Variants in AQP4 observed in about 807,000 individuals in gnomAD.
The protein encoded by AQP4 is aquaporin-4.
Under a neutral mutation model 27.8 loss-of-function variants are expected in AQP4, and 18 were observed. That is an observed-to-expected ratio of 0.65 (90% CI 0.45 to 0.96). The LOEUF (loss-of-function observed/expected upper bound fraction) is 0.96, where lower values mean the gene tolerates loss of function less well. Ranked by LOEUF, AQP4 falls within the 40% of genes least tolerant of loss-of-function variation. The pLI is 0.00. For synonymous variants in AQP4, 141 were observed against 142.9 expected (o/e 0.99, Z 0.10); for missense variants, 412 against 408.2 (o/e 1.01, Z -0.08).
chr18:26,865,242 C>T (rs139928491), intron 1 of AQP4: 1 of 319,352 alleles, frequency 3.1e-6, no homozygotes, highest in African/African-American at 2.1e-5. Context: ...ATGATCAACA[C>T]AATTAGATTT....
upstream of AQP4, chr18:26,865,721 C>T: frequency 6.8e-6 from 11 of 1,614,048 alleles, no homozygotes; most frequent in African/African-American, 1.3e-5. Context: ...GCTCTCATTG[C>T]CTGCCCCGCA....
intron 4 of AQP4, among the ~76,000 whole-genome samples, chr18:26,859,246 A>G (rs2144958694): frequency 6.6e-6 from 1 of 152,370 alleles, no homozygotes; most frequent in Admixed American, 6.5e-5. Context: ...AGGGCTGGGC[A>G]CTGTGGCTCA....
At chr18:26,859,037 A>G (rs1170828513) in intron 4 of AQP4, among the ~76,000 whole-genome samples, 1 of 152,224 alleles carries the variant, frequency 6.6e-6, no homozygotes, top group Non-Finnish European at 1.5e-5. Flanking sequence ...ACATGGGGCA[A>G]CTTTTAGTTT....
rs1006854797 is a variant in AQP4 at position 26,852,935 on chromosome 18, C to G, written c.*3276G>C. On this transcript the variant is annotated 3_prime_UTR_variant, in exon 5 of 5. Coordinates refer to ENST00000383168, the MANE Select transcript of AQP4 (RefSeq NM_001650.7). The stretch of plus-strand genomic sequence containing the variant: ...GAGGTTGGTGTCAACATGCTGCAAT[C>G]AGAGGCCTTCTAGGATTCATCTTAC... 2 of 398,336 alleles carry G rather than the reference C, an allele frequency of 5.0e-6. No homozygotes were observed. Among genetic ancestry groups the G allele is most frequent in the African/African-American group, 4.1e-5 (2 of 48,632 alleles). 24.7% of individuals were successfully genotyped at this position (398,336 alleles called of 1,614,324 possible).
At position 26,853,744 on chromosome 18, in the gene AQP4, TAGAA is replaced by T. The variant is rs2054793406; in HGVS notation, c.*2463_*2466del. The T allele has an allele frequency of 6.6e-6, 1 of 152,652 alleles. No homozygotes were observed. Among genetic ancestry groups the T allele is most frequent in the Non-Finnish European group, 1.5e-5 (1 of 68,030 alleles). 9.5% of individuals were successfully genotyped at this position (152,652 alleles called of 1,614,324 possible). ...TAGACCCCTGCTGCATAGATGTCAT[TAGAA>T]AGGTACAATTTCATTACTTTTTACT... On this transcript the variant is annotated 3_prime_UTR_variant, in exon 5 of 5. Coordinates refer to ENST00000383168, the MANE Select transcript of AQP4 (RefSeq NM_001650.7).
rs2054781450 is a variant in AQP4, at chr18:26,853,190, A to G, written c.*3021T>C. 6.6e-6 allele frequency: 2 copies of G among 303,024 alleles called. No homozygotes were observed. Among genetic ancestry groups the G allele is most frequent in the Non-Finnish European group, 1.2e-5 (2 of 166,166 alleles). 18.8% of individuals were successfully genotyped at this position (303,024 alleles called of 1,614,324 possible). ...GCTCTAGCTAGCACCTATGAGCTGC[A>G]TTAGGAAAAGGCTCAGATAATAAAA... On this transcript the variant is annotated 3_prime_UTR_variant, in exon 5 of 5. Coordinates refer to ENST00000383168, the MANE Select transcript of AQP4 (RefSeq NM_001650.7).
intron 1 of AQP4, 24 bp downstream of exon 1, chr18:26,865,634 C>T: frequency 1.2e-6 from 2 of 1,614,170 alleles, no homozygotes; most frequent in Non-Finnish European, 1.7e-6. Context: ...AAGCGTTGTT[C>T]CCTTAAGGCA....
intron 1 of AQP4, chr18:26,862,869 C>A (rs759808825): frequency 1.9e-6 from 1 of 521,598 alleles, no homozygotes; most frequent in Non-Finnish European, 3.4e-6. Flanking sequence ...AAATCAAATT[C>A]CTTAAAATAT....
intron 4 of AQP4, among the ~76,000 whole-genome samples, chr18:26,858,544 C>T (rs1227154758): frequency 2.6e-5 from 4 of 152,180 alleles, no homozygotes; most frequent in Non-Finnish European, 5.9e-5. Context: ...AAGTTCCTCT[C>T]TTGAACATGA....
In AQP4 at chr18:26,855,967, T is replaced by C. The variant is rs2054833424; in HGVS notation, c.*244A>G. ...GTTAATGAAAGGTAACTAGATAAAA[T>C]AGGTATATATTTGCTTAAGAACATT... is the stretch of plus-strand genomic sequence containing the variant. On this transcript the variant is annotated 3_prime_UTR_variant, in exon 5 of 5. Transcript: ENST00000383168. 2 of 503,192 alleles carry C rather than the reference T, an allele frequency of 4.0e-6. No homozygotes were observed. Among genetic ancestry groups the C allele is most frequent in the Non-Finnish European group, 7.1e-6 (2 of 283,560 alleles). 31.2% of individuals were successfully genotyped at this position (503,192 alleles called of 1,614,324 possible).
rs1598508663 is a variant in AQP4, at chr18:26,855,521, T to G, written c.*690A>C. On this transcript the variant is annotated 3_prime_UTR_variant, in exon 5 of 5. Coordinates refer to ENST00000383168, the MANE Select transcript of AQP4 (RefSeq NM_001650.7). ...TGTCTTGAATCTCAATAGGTGCCCTTATGATTTGGGAAGGATTTCTGAATA... is the reference window on the plus strand; with the variant it reads ...TGTCTTGAATCTCAATAGGTGCCCTGATGATTTGGGAAGGATTTCTGAATA... 1 of 152,514 alleles carries G rather than the reference T, an allele frequency of 6.6e-6. No individual in the cohort carries two copies. The highest frequency in any genetic ancestry group is 6.5e-5 in the Admixed American group (1 of 15,314). The allele number at this position is 152,514 out of a possible 1,614,324, so 9.4% of individuals were successfully genotyped here. A position where few individuals can be genotyped will look rare whatever the true frequency, so the allele number is the denominator to read the frequency against.
chr18:26,858,898 C>G (rs1005955284), intron 4 of AQP4, among the ~76,000 whole-genome samples: 3 of 152,132 alleles, frequency 2.0e-5, no homozygotes, highest in African/African-American at 7.2e-5. Flanking sequence ...TATCATTACA[C>G]TATACAAAAA....
intron 1 of AQP4, among the ~76,000 whole-genome samples, chr18:26,864,774 A>G (rs1189580884): frequency 6.6e-6 from 1 of 152,126 alleles, no homozygotes; most frequent in Non-Finnish European, 1.5e-5. Flanking sequence ...TAAGGAAGCT[A>G]GGTGGGCAGG....
chr18:26,865,018 C>T (rs2055031989), intron 1 of AQP4, among the ~76,000 whole-genome samples: 1 of 151,374 alleles, frequency 6.6e-6, no homozygotes, highest in Non-Finnish European at 1.5e-5. Flanking sequence ...CATAAACATG[C>T]TCTTTAAGAA....
intron 1 of AQP4, among the ~76,000 whole-genome samples, chr18:26,864,803 C>T (rs914334099): frequency 6.6e-6 from 1 of 152,018 alleles, no homozygotes; most frequent in Non-Finnish European, 1.5e-5. Flanking sequence ...TTTTCAGCCC[C>T]GCAGGAGACA....
chr18:26,856,839 A>G (rs74317649), intron 4 of AQP4, among the ~76,000 whole-genome samples: 2 of 152,148 alleles, frequency 1.3e-5, no homozygotes, highest in Non-Finnish European at 2.9e-5. Context: ...TAAAAAAAAA[A>G]TTTCTGGAGA....
chr18:26,852,615 C>G lies in AQP4; in HGVS notation c.*3596G>C, dbSNP rs2054770748. 2.6e-6 allele frequency: 1 copy of G among 389,814 alleles called. No individual in the cohort carries two copies. The highest frequency in any genetic ancestry group is 1.4e-4 in the South Asian group (1 of 6,966). The allele number at this position is 389,814 out of a possible 1,614,324, so 24.1% of individuals were successfully genotyped here. A position where few individuals can be genotyped will look rare whatever the true frequency, so the allele number is the denominator to read the frequency against. ...ATTATGAGTTTCAAAAGCTACTGCTCTTATGGGGCAATCTGTAGAGTACTA... is the reference window on the plus strand; with the variant it reads ...ATTATGAGTTTCAAAAGCTACTGCTGTTATGGGGCAATCTGTAGAGTACTA... On this transcript the variant is annotated 3_prime_UTR_variant, in exon 5 of 5. Transcript: ENST00000383168.
In AQP4 at chr18:26,853,493, G is replaced by A. The variant is rs369682568; in HGVS notation, c.*2718C>T. Reference sequence around the variant, plus strand: ...GTGTAGGGACCACCTTTCAATTTTAGGGTACTTGTACTCTTCCTTAGGGAA... The same window carrying A: ...GTGTAGGGACCACCTTTCAATTTTAAGGTACTTGTACTCTTCCTTAGGGAA... On this transcript the variant is annotated 3_prime_UTR_variant, in exon 5 of 5. Transcript: ENST00000383168. 8 of 152,282 alleles carry A rather than the reference G, an allele frequency of 5.3e-5. No individual in the cohort carries two copies. The highest frequency in any genetic ancestry group is 1.9e-4 in the African/African-American group (8 of 41,562). 9.4% of individuals were successfully genotyped at this position (152,282 alleles called of 1,614,324 possible). A position where few individuals can be genotyped will look rare whatever the true frequency, so the allele number is the denominator to read the frequency against.
chr18:26,856,670 A>T (rs2054851075), intron 4 of AQP4, among the ~76,000 whole-genome samples, 181 bp from the exon 5 acceptor site: 1 of 151,886 alleles, frequency 6.6e-6, no homozygotes, highest in Non-Finnish European at 1.5e-5. Context: ...TCCATAAATT[A>T]TTAAACTGCA....
Sources: allele counts gnomAD v4.1 joint callset (sites outside exome capture counted in the v4.1 genomes callset), GRCh38; gene constraint gnomAD v4.1.1; transcripts MANE v1.5; gene names NCBI Gene and HGNC (gene_info 2026-07-23, HGNC 2026-07-21).